NRXN3: variants seen among roughly 807,000 people sequenced by gnomAD.
NRXN3 encodes neurexin 3, also known as neurexin III.
In NRXN3, 32 loss-of-function variants were observed where a neutral mutation model predicts 137.6. The ratio of observed to expected loss-of-function variants is 0.23; its 90% confidence interval spans 0.18 to 0.31. The LOEUF is 0.31. Ranked by LOEUF, NRXN3 falls within the 10% of genes least tolerant of loss-of-function variation. The pLI, the probability that NRXN3 is intolerant of heterozygous loss-of-function variation, is 1.00. For missense variants in NRXN3, 1,574 were observed against 2,062.5 expected (o/e 0.76, Z 4.59); for synonymous variants, 798 against 784.5 (o/e 1.02, Z -0.29).
At chr14:78,895,216 A>T (rs1004482751) in intron 10 of NRXN3, among the ~76,000 whole-genome samples, 2 of 151,898 alleles carry the variant, frequency 1.3e-5, no homozygotes, top group African/African-American at 4.8e-5. Flanking sequence ...CATCTACAGT[A>T]AAAATCTCTT....
intron 1 of NRXN3, among the ~76,000 whole-genome samples, chr14:78,217,226 C>T (rs1328541737): frequency 6.6e-6 from 1 of 152,084 alleles, no homozygotes; most frequent in Non-Finnish European, 1.5e-5. Context: ...AGCAAACCCT[C>T]GTATTTTTAT....
At chr14:78,832,807 G>T (rs928701060) in intron 10 of NRXN3, among the ~76,000 whole-genome samples, 1 of 152,088 alleles carries the variant, frequency 6.6e-6, no homozygotes, top group African/African-American at 2.4e-5. Flanking sequence ...CAGTGATTTT[G>T]GTTCCTTAGA....
At chr14:79,715,879 G>A (rs1322206337) in intron 19 of NRXN3, among the ~76,000 whole-genome samples, 2 of 152,218 alleles carry the variant, frequency 1.3e-5, no homozygotes, top group African/African-American at 4.8e-5. Context: ...CCCGCCAAAG[G>A]AAATAGCCTA....
chr14:78,887,942 T>C (rs917617610), intron 10 of NRXN3, among the ~76,000 whole-genome samples: 2 of 152,104 alleles, frequency 1.3e-5, no homozygotes, highest in African/African-American at 4.8e-5. Flanking sequence ...CTTGTCCTGT[T>C]GCCTCTGACT....
intron 10 of NRXN3, among the ~76,000 whole-genome samples, chr14:78,836,750 A>G (rs1031027009): frequency 1.3e-5 from 2 of 152,338 alleles, no homozygotes; most frequent in East Asian, 1.9e-4. Context: ...ACTTTTATGT[A>G]TAATCCATGT....
At chr14:79,127,532 T>C (rs1231156504) in intron 15 of NRXN3, among the ~76,000 whole-genome samples, 1 of 152,240 alleles carries the variant, frequency 6.6e-6, no homozygotes, top group African/African-American at 2.4e-5. Flanking sequence ...TCCATTGATC[T>C]ATAACTCTGT....
chr14:79,081,748 A>G (rs1034225281), intron 15 of NRXN3, among the ~76,000 whole-genome samples: 4 of 152,210 alleles, frequency 2.6e-5, no homozygotes, highest in Non-Finnish European at 5.9e-5. Context: ...TCTATGGCAG[A>G]CAAAAAATTA....
At chr14:78,320,834 C>T (rs1024952382) in intron 4 of NRXN3, among the ~76,000 whole-genome samples, 8 of 152,144 alleles carry the variant, frequency 5.3e-5, no homozygotes, top group African/African-American at 1.7e-4. Flanking sequence ...TCACCCAGCC[C>T]TGGCTGGGTG....
At chr14:79,473,585 C>T (rs1600815669) in intron 16 of NRXN3, among the ~76,000 whole-genome samples, 1 of 152,126 alleles carries the variant, frequency 6.6e-6, no homozygotes, top group Non-Finnish European at 1.5e-5. Context: ...ATTTGGGGAA[C>T]TTTCCAGTGG....
intron 11 of NRXN3, among the ~76,000 whole-genome samples, chr14:78,963,044 C>T (rs1307325741): frequency 1.3e-5 from 2 of 152,100 alleles, no homozygotes; most frequent in South Asian, 4.1e-4. Flanking sequence ...AGTTGAGGCT[C>T]CTGTGTGAGT....
chr14:78,823,401 C>G (rs2098956882), intron 10 of NRXN3, among the ~76,000 whole-genome samples: 1 of 152,198 alleles, frequency 6.6e-6, no homozygotes, highest in Non-Finnish European at 1.5e-5. Flanking sequence ...GCCTTTGCAA[C>G]AGCTGTCTGC....
intron 15 of NRXN3, among the ~76,000 whole-genome samples, chr14:79,091,897 A>G (rs1001970335): frequency 2.0e-5 from 3 of 152,136 alleles, no homozygotes; most frequent in Admixed American, 2.0e-4. Flanking sequence ...CACTTTTGTT[A>G]TGTTTATATT....
chr14:79,563,663 TAAAAAAAA>T (rs5809943), intron 16 of NRXN3, among the ~76,000 whole-genome samples: 20 of 142,196 alleles, frequency 1.4e-4, no homozygotes, highest in African/African-American at 5.2e-4. Context: ...CAAATAATGT[TAAAAAAAA>T]AAAAAAAAGG....
At chr14:79,372,152 A>AGAATC (rs1393081720) in intron 15 of NRXN3, among the ~76,000 whole-genome samples, 1 of 152,122 alleles carries the variant, frequency 6.6e-6, no homozygotes, top group Non-Finnish European at 1.5e-5. Context: ...TGTGTGAGAG[A>AGAATC]GAATCAACTC....
chr14:78,414,648 A>T (rs2093028308), intron 4 of NRXN3, among the ~76,000 whole-genome samples: 1 of 152,198 alleles, frequency 6.6e-6, no homozygotes, highest in Non-Finnish European at 1.5e-5. Flanking sequence ...ACCCTGCAAG[A>T]TGGGAATCAT....
chr14:78,380,919 A>G (rs1025778232), intron 4 of NRXN3, among the ~76,000 whole-genome samples: 5 of 152,142 alleles, frequency 3.3e-5, no homozygotes, highest in Admixed American at 6.5e-5. Flanking sequence ...AACTTATTAT[A>G]TAGATACAGT....
At chr14:78,343,863 C>T (rs1185479710) in intron 4 of NRXN3, among the ~76,000 whole-genome samples, 1 of 152,196 alleles carries the variant, frequency 6.6e-6, no homozygotes, top group East Asian at 1.9e-4. Context: ...TATTATAAAG[C>T]TCCCCAGGAG....
At chr14:79,385,983 C>A (rs1439222825) in intron 15 of NRXN3, among the ~76,000 whole-genome samples, 2 of 152,182 alleles carry the variant, frequency 1.3e-5, no homozygotes, top group Non-Finnish European at 2.9e-5. Context: ...TATGGCAAAC[C>A]CACAGCCAAT....
chr14:79,207,125 G>A (rs1424757761), intron 15 of NRXN3, among the ~76,000 whole-genome samples: 1 of 152,128 alleles, frequency 6.6e-6, no homozygotes, highest in Non-Finnish European at 1.5e-5. Flanking sequence ...TCACCTGCCA[G>A]CATCAATGAG....
Sources: gnomAD v4.1 joint callset for allele counts (sites outside exome capture counted in the v4.1 genomes callset) on GRCh38, gnomAD v4.1.1 for gene constraint, MANE v1.5 for transcripts, NCBI Gene and HGNC (gene_info 2026-07-23, HGNC 2026-07-21) for gene names.